Variants in MAGI1 observed in about 807,000 individuals in gnomAD.
MAGI1 encodes membrane associated guanylate kinase, WW and PDZ domain containing 1, also known as membrane-associated guanylate kinase, WW and PDZ domain-containing protein 1.
Under a neutral mutation model 139.9 loss-of-function variants are expected in MAGI1, and 58 were observed. That is an observed-to-expected ratio of 0.41 (90% CI 0.34 to 0.52). MAGI1 has a LOEUF of 0.52. Among genes scored for constraint, MAGI1 ranks in the 20% least tolerant of loss-of-function variants. MAGI1 has a pLI of 0.12. For synonymous variants in MAGI1, 812 were observed against 737.9 expected (o/e 1.10, Z -1.63); for missense variants, 1,874 against 1,901.6 (o/e 0.99, Z 0.27).
chr3:65,760,860 G>A (rs960640435), intron 1 of MAGI1, among the ~76,000 whole-genome samples: 3 of 152,192 alleles, frequency 2.0e-5, no homozygotes, highest in African/African-American at 4.8e-5. Context: ...ATCTGAGAAG[G>A]AGGGAAAGAA....
intron 2 of MAGI1, among the ~76,000 whole-genome samples, chr3:65,565,561 G>C (rs2080577001): frequency 6.6e-6 from 1 of 152,082 alleles, no homozygotes; most frequent in African/African-American, 2.4e-5. Flanking sequence ...CTCTCATTAA[G>C]AAACATTGCT....
At chr3:65,908,651 A>T (rs2061534892) in intron 1 of MAGI1, among the ~76,000 whole-genome samples, 1 of 152,150 alleles carries the variant, frequency 6.6e-6, no homozygotes, top group Non-Finnish European at 1.5e-5. Flanking sequence ...TTTTCTCTCC[A>T]TGAAATAAGT....
At chr3:65,504,849 T>A (rs1047493229) in intron 2 of MAGI1, among the ~76,000 whole-genome samples, 9 of 152,172 alleles carry the variant, frequency 5.9e-5, no homozygotes, top group Non-Finnish European at 1.2e-4. Context: ...TTTTTCCTCA[T>A]TTTTCAGGGA....
intron 2 of MAGI1, among the ~76,000 whole-genome samples, chr3:65,503,109 C>G (rs1276747373): frequency 6.6e-6 from 1 of 152,076 alleles, no homozygotes; most frequent in Non-Finnish European, 1.5e-5. Flanking sequence ...TCCAGCAGAA[C>G]AAAGTTGAAA....
intron 1 of MAGI1, among the ~76,000 whole-genome samples, chr3:65,760,148 TTCCTCC>T (rs34314563): frequency 4.3e-4 from 65 of 150,298 alleles, no homozygotes; most frequent in South Asian, 1.1e-3. Context: ...TGTCTTCAAC[TTCCTCC>T]TCCTCCTCCT....
chr3:65,565,674 TG>T lies in MAGI1; in HGVS notation c.430+56297del, dbSNP rs1207115797. 3.3e-5 allele frequency among the ~76,000 whole-genome samples: 5 copies of T among 151,558 alleles called. No homozygotes were observed. The South Asian group carries it at 8.4e-4, about 25-fold the overall frequency. ...GAGTTCAAGACCAGCCTGGTCAACATGGTGAAACCCTGTCTCTACTAAAAAT... is the reference window on the plus strand; with the variant it reads ...GAGTTCAAGACCAGCCTGGTCAACATGTGAAACCCTGTCTCTACTAAAAAT... On this transcript the variant is annotated intron_variant, in intron 2 of 22. Coordinates refer to ENST00000402939, the MANE Select transcript of MAGI1 (RefSeq NM_001033057.2).
At chr3:65,656,573 C>G (rs1189391749) in intron 1 of MAGI1, among the ~76,000 whole-genome samples, 1 of 143,766 alleles carries the variant, frequency 7.0e-6, no homozygotes, top group Admixed American at 7.4e-5. Flanking sequence ...ACTTGAAAAT[C>G]TTTTAGAGCA....
At chr3:65,555,459 G>A (rs1331004393) in intron 2 of MAGI1, among the ~76,000 whole-genome samples, 2 of 152,178 alleles carry the variant, frequency 1.3e-5, no homozygotes, top group Non-Finnish European at 2.9e-5. Flanking sequence ...GGGAGTGGAT[G>A]GGGAGGTGAG....
chr3:65,677,339 G>T (rs2087260779), intron 1 of MAGI1, among the ~76,000 whole-genome samples: 1 of 152,130 alleles, frequency 6.6e-6, no homozygotes, highest in Non-Finnish European at 1.5e-5. Flanking sequence ...AGGTGGAGAT[G>T]GGAAGACTAA....
chr3:65,863,065 T>C (rs778315172), intron 1 of MAGI1, among the ~76,000 whole-genome samples: 6 of 152,194 alleles, frequency 3.9e-5, no homozygotes, highest in Non-Finnish European at 7.3e-5. Flanking sequence ...TTTCCATAAG[T>C]ACCAGGCATT....
chr3:65,358,920 A>T (rs1054631796), intron 22 of MAGI1: 10 of 753,510 alleles, frequency 1.3e-5, no homozygotes, highest in Non-Finnish European at 2.2e-5. Context: ...GCAACACTTC[A>T]ACAGGGTCAG....
chr3:65,476,436 T>C (rs1212479147), intron 4 of MAGI1, among the ~76,000 whole-genome samples: 1 of 152,212 alleles, frequency 6.6e-6, no homozygotes, highest in Non-Finnish European at 1.5e-5. Flanking sequence ...GCCCACAAGT[T>C]GTTCTAAGAT....
At chr3:65,685,700 C>A (rs2087969792) in intron 1 of MAGI1, among the ~76,000 whole-genome samples, 2 of 152,132 alleles carry the variant, frequency 1.3e-5, no homozygotes, top group Admixed American at 1.3e-4. Flanking sequence ...CCATCAGTTT[C>A]TATTTTAGTA....
At chr3:66,032,697 A>G (rs28753812) in intron 1 of MAGI1, among the ~76,000 whole-genome samples, 118,586 of 151,356 alleles carry the variant, frequency 0.78, 46,675 homozygotes, top group East Asian at 0.85. Flanking sequence ...GGCGGCAGGC[A>G]GATTGCCTGA....
chr3:65,364,699 G>A lies in MAGI1; in HGVS notation c.3317C>T (p.Ser1106Phe). 2 of 1,614,134 alleles carry A rather than the reference G, an allele frequency of 1.2e-6. No homozygotes were observed. Among genetic ancestry groups the A allele is most frequent in the Non-Finnish European group, 1.7e-6 (2 of 1,179,982 alleles). ...TTGGGGTGCTTTGAACTCAAATTGA[G>A]ATTCCTGCTTTGGTTTGGTGGTATT... ...TRNTTKPKQE[S>F]QFEFKAPQAT... Residue 1106 changes from serine (S) to phenylalanine (F), a missense_variant, in exon 20 of 23, where the codon TCT (serine) becomes TTT (phenylalanine). Physicochemically the swap from Ser to Phe is radical, Grantham distance 155. Coordinates refer to ENST00000402939, the MANE Select transcript of MAGI1 (RefSeq NM_001033057.2).
At chr3:65,613,901 G>C (rs1354170490) in intron 2 of MAGI1, among the ~76,000 whole-genome samples, 23 of 152,142 alleles carry the variant, frequency 1.5e-4, no homozygotes, top group Non-Finnish European at 3.1e-4. Flanking sequence ...ACTGAAAAGA[G>C]TGTTTGGGAA....
At chr3:65,837,075 C>T (rs986715097) in intron 1 of MAGI1, among the ~76,000 whole-genome samples, 6 of 151,994 alleles carry the variant, frequency 3.9e-5, no homozygotes, top group Non-Finnish European at 7.4e-5. Context: ...TAACTACTGA[C>T]ACCATCAAGA....
At chr3:65,848,020 T>C (rs558321588) in intron 1 of MAGI1, among the ~76,000 whole-genome samples, 24 of 152,262 alleles carry the variant, frequency 1.6e-4, no homozygotes, top group East Asian at 5.8e-4. Flanking sequence ...TGATCTTGGA[T>C]AGCTCAGAAG....
intron 1 of MAGI1, among the ~76,000 whole-genome samples, chr3:65,630,111 C>T (rs1295293918): frequency 6.6e-6 from 1 of 152,140 alleles, no homozygotes; most frequent in South Asian, 2.1e-4. Context: ...CATACATGCA[C>T]ACTTATAATA....
Sources: gnomAD v4.1 joint callset for allele counts (sites outside exome capture counted in the v4.1 genomes callset) on GRCh38, gnomAD v4.1.1 for gene constraint, MANE v1.5 for transcripts, NCBI Gene and HGNC (gene_info 2026-07-23, HGNC 2026-07-21) for gene names.